PYCR3: variants seen among roughly 807,000 people sequenced by gnomAD.
PYCR3 encodes the protein pyrroline-5-carboxylate reductase 3, also known as P5C reductase 3.
Under a neutral mutation model 23.4 loss-of-function variants are expected in PYCR3, and 26 were observed. The observed-to-expected ratio is 1.11, with a 90% CI of 0.81 to 1.54. The LOEUF (loss-of-function observed/expected upper bound fraction) is 1.54, where lower values mean the gene tolerates loss of function less well. Among genes scored for constraint, PYCR3 ranks in the 40% most tolerant of loss-of-function variants. The pLI is 0.00. For synonymous variants in PYCR3, 194 were observed against 162.6 expected (o/e 1.19, Z -1.47); for missense variants, 360 against 376.3 (o/e 0.96, Z 0.36).
Position 143,604,797 on chromosome 8 carries a change from G to A in PYCR3, c.*903C>T, listed in dbSNP as rs1322420093. On this transcript the variant is annotated 3_prime_UTR_variant, in exon 6 of 6. Transcript: ENST00000495276. Reference sequence around the variant, plus strand: ...GCCGTCCGTTAGGGACAGGTGGAGGGGCCAAGTCTTGCCATCAGAGGCCAG... The same window carrying A: ...GCCGTCCGTTAGGGACAGGTGGAGGAGCCAAGTCTTGCCATCAGAGGCCAG... The A allele has an allele frequency of 2.0e-5, 9 of 441,364 alleles. No individual in the cohort carries two copies. The highest frequency in any genetic ancestry group is 5.3e-5 in the Admixed American group (2 of 37,620). The allele number at this position is 441,364 out of a possible 1,614,324, so 27.3% of individuals were successfully genotyped here. A position where few individuals can be genotyped will look rare whatever the true frequency, so the allele number is the denominator to read the frequency against.
chr8:143,606,775 C>A (rs573156132), intron 3 of PYCR3, 96 bp from the exon 4 acceptor site: 1 of 1,372,268 alleles, frequency 7.3e-7, no homozygotes, highest in Non-Finnish European at 9.9e-7. Flanking sequence ...CGTCAGCTCG[C>A]GGTGGGCTCC....
At chr8:143,606,242 G>T in intron 4 of PYCR3, 88 bp from the exon 5 acceptor site, 1 of 1,352,614 alleles carries the variant, frequency 7.4e-7, no homozygotes, top group South Asian at 1.3e-5. Context: ...AGCAGTAGCC[G>T]TGGGTGGCCA....
intron 1 of PYCR3, 129 bp from the exon 2 acceptor site, chr8:143,608,255 C>T: frequency 1.5e-6 from 1 of 683,010 alleles, no homozygotes; most frequent in Non-Finnish European, 2.5e-6. Context: ...CTCCTGGCCC[C>T]AGGAACCCAA....
rs1197529542 is a variant in PYCR3 at position 143,607,001 on chromosome 8, G to A, written c.288C>T (p.His96=). 2 of 1,612,342 alleles carry A rather than the reference G, an allele frequency of 1.2e-6. No homozygotes were observed. The highest frequency in any genetic ancestry group is 2.2e-5 in the South Asian group (2 of 91,022). Reference sequence around the variant, plus strand: ...CCCCAGCAGCCACGGACACCAAGATGTGTTCAGTGGTGACCACAGGAGCCA... The same window carrying A: ...CCCCAGCAGCCACGGACACCAAGATATGTTCAGTGGTGACCACAGGAGCCA... ...AEVAPVVTTE[H]ILVSVAAGVS... Residue 96 remains histidine, a synonymous_variant, in exon 3 of 6, where the codon CAC becomes CAT. Transcript: ENST00000495276.
In PYCR3 at chr8:143,609,549, C is replaced by T. The variant is rs1375840764; in HGVS notation, c.-1G>A. ...GCGGAGACGGCTCCGCAGCTGCCAT[C>T]TTGTTGCCTCGGACGCCGCTGCGCT... On this transcript the variant is annotated 5_prime_UTR_variant, in exon 1 of 6. Coordinates refer to ENST00000495276, the MANE Select transcript of PYCR3 (RefSeq NM_023078.6). 2.0e-6 allele frequency: 3 copies of T among 1,506,388 alleles called. No individual in the cohort carries two copies. The highest frequency in any genetic ancestry group is 2.6e-6 in the Non-Finnish European group (3 of 1,135,330). 93.3% of individuals were successfully genotyped at this position (1,506,388 alleles called of 1,614,324 possible).
rs1829491889 is a variant in PYCR3, at chr8:143,609,558, T to G, written c.-10A>C. Reference sequence around the variant, plus strand: ...GCTCCGCAGCTGCCATCTTGTTGCCTCGGACGCCGCTGCGCTCACCGCCCA... The same window carrying G: ...GCTCCGCAGCTGCCATCTTGTTGCCGCGGACGCCGCTGCGCTCACCGCCCA... On this transcript the variant is annotated 5_prime_UTR_variant, in exon 1 of 6. Coordinates refer to ENST00000495276, the MANE Select transcript of PYCR3 (RefSeq NM_023078.6). 1 of 1,499,200 alleles carries G rather than the reference T, an allele frequency of 6.7e-7. No homozygotes were observed. The highest frequency in any genetic ancestry group is 2.2e-5 in the Admixed American group (1 of 46,346). 92.9% of individuals were successfully genotyped at this position (1,499,200 alleles called of 1,614,324 possible).
intron 4 of PYCR3, 117 bp downstream of exon 4, chr8:143,606,349 TG>T: frequency 1.6e-6 from 2 of 1,214,716 alleles, no homozygotes; most frequent in Non-Finnish European, 1.2e-6. Flanking sequence ...CCAGTGGGCC[TG>T]GGGAGCAACC....
At chr8:143,606,418 C>G (rs773475276) in intron 4 of PYCR3, 49 bp downstream of exon 4, 1 of 1,583,004 alleles carries the variant, frequency 6.3e-7, no homozygotes, top group Admixed American at 1.7e-5. Context: ...CTGGGGTGGG[C>G]CCCCTCTTTG....
chr8:143,607,633 CACG>C (rs1447954145), intron 2 of PYCR3, among the ~76,000 whole-genome samples: 2 of 152,060 alleles, frequency 1.3e-5, no homozygotes, highest in East Asian at 1.9e-4. Context: ...TACGTGCACT[CACG>C]ACCACACAGG....
rs966146207 is a variant in PYCR3 at position 143,608,973 on chromosome 8, T to C, written c.91+485A>G. On this transcript the variant is annotated intron_variant, in intron 1 of 5. Transcript: ENST00000495276. ...GAGGAGTATATGGTCAGCATAAATA[T>C]TCCGGGTATAAAGCAGTGTTTCTCA... The C allele has an allele frequency of 1.6e-5, 7 of 447,672 alleles. No homozygotes were observed. In the Admixed American group the frequency reaches 1.7e-4, roughly 11 times the overall value. 27.7% of individuals were successfully genotyped at this position (447,672 alleles called of 1,614,324 possible).
Position 143,606,970 on chromosome 8 carries a change from G to T in PYCR3, c.319C>A (p.Leu107Met). The change falls in exon 3 of 6, where the codon CTG becomes ATG. Residue 107 changes from leucine to methionine, a missense_variant. Transcript: ENST00000495276. ...ILVSVAAGVS[L>M]STLEELLPPN... ...ACACTCACCTCCTCCAGGGTGCTCA[G>T]AGACACCCCAGCAGCCACGGACACC... 8 of 1,606,028 alleles carry T rather than the reference G, an allele frequency of 5.0e-6. No homozygotes were observed. The highest frequency in any genetic ancestry group is 6.0e-6 in the Non-Finnish European group (7 of 1,174,396).
At position 143,609,503 on chromosome 8, in the gene PYCR3, C is replaced by A; in HGVS notation, c.46G>T (p.Ala16Ser). The A allele has an allele frequency of 6.6e-7, 1 of 1,516,704 alleles. No individual in the cohort carries two copies. The allele number at this position is 1,516,704 out of a possible 1,614,324, so 94.0% of individuals were successfully genotyped here. Residue 16 changes from alanine (A) to serine (S), a missense_variant, in exon 1 of 6, where the codon GCG (alanine) becomes TCG (serine). Ala to Ser is a moderately conservative substitution (Grantham distance 99). Coordinates refer to ENST00000495276, the MANE Select transcript of PYCR3 (RefSeq NM_023078.6). ...PSPRRVGFVGAGRMAGAIAQG... is the reference protein window; with the variant it reads ...PSPRRVGFVGSGRMAGAIAQG... ...GCGATGGCCCCCGCCATGCGGCCCG[C>A]GCCCACGAAGCCCACGCGCCGCGGA...
intron 2 of PYCR3, 137 bp from the exon 3 acceptor site, chr8:143,607,269 G>A (rs935117042): frequency 6.3e-6 from 5 of 794,852 alleles, no homozygotes; most frequent in East Asian, 2.9e-5. Context: ...AGACCACCCC[G>A]ACTTCTCCAG....
rs1185415367 is a variant in PYCR3, at chr8:143,606,582, C to G, written c.434G>C (p.Gly145Ala). 4.3e-6 allele frequency: 7 copies of G among 1,612,522 alleles called. No individual in the cohort carries two copies. Among genetic ancestry groups the G allele is most frequent in the Non-Finnish European group, 5.1e-6 (6 of 1,179,878 alleles). The change falls in exon 4 of 6, where the codon GGG becomes GCG. Residue 145 changes from glycine (G) to alanine (A), a missense_variant. Physicochemically the swap from Gly to Ala is moderately conservative, Grantham distance 60 (BLOSUM62 0). Coordinates refer to ENST00000495276, the MANE Select transcript of PYCR3 (RefSeq NM_023078.6). ...AIVMARGRHV[G>A]SSETKLLQHL... is the part of the protein sequence containing the mutation. Reference sequence around the variant, plus strand: ...CTGCAGGAGCTTGGTCTCGCTGCTCCCCACGTGGCGGCCCCGCGCCATCAC... The same window carrying G: ...CTGCAGGAGCTTGGTCTCGCTGCTCGCCACGTGGCGGCCCCGCGCCATCAC...
chr8:143,606,320 C>A, intron 4 of PYCR3, 147 bp downstream of exon 4: 1 of 1,088,278 alleles, frequency 9.2e-7, no homozygotes, highest in Non-Finnish European at 1.3e-6. Context: ...CAGTGAAGTC[C>A]CGGGGACAAG....
At chr8:143,608,224 G>A (rs2131401851) in intron 1 of PYCR3, 98 bp from the exon 2 acceptor site, 2 of 962,840 alleles carry the variant, frequency 2.1e-6, no homozygotes, top group East Asian at 2.5e-5. Flanking sequence ...GCTCAGCCAC[G>A]CCTGGCCCAT....
intron 1 of PYCR3, chr8:143,608,781 G>A (rs909830693): frequency 6.4e-5 from 29 of 456,306 alleles, no homozygotes; most frequent in South Asian, 3.7e-4. Flanking sequence ...GCTCTGGGAG[G>A]CATGCGGTAC....
In PYCR3 at chr8:143,607,049, C is replaced by T; in HGVS notation, c.240G>A (p.Val80=). Residue 80 remains valine (V), a synonymous_variant, in exon 3 of 6, where the codon GTG becomes GTA. Transcript: ENST00000495276. ...LLVIFATKPH[V]LPAVLAEVAP... ...CCACCTCTGCCAGGACAGCTGGCAG[C>T]ACATGAGGCTTGGTGGCAAAGATGA... 2 of 1,613,258 alleles carry T rather than the reference C, an allele frequency of 1.2e-6. No homozygotes were observed. The highest frequency in any genetic ancestry group is 1.7e-6 in the Non-Finnish European group (2 of 1,179,868).
Position 143,605,879 on chromosome 8 carries a change from T to A in PYCR3, c.646A>T (p.Thr216Ser), listed in dbSNP as rs531081790. 29 of 1,604,092 alleles carry A rather than the reference T, an allele frequency of 1.8e-5. No individual in the cohort carries two copies. In the East Asian group the frequency reaches 6.5e-4, roughly 36 times the overall value. Residue 216 changes from threonine to serine, a missense_variant, in exon 6 of 6, where the codon ACG becomes TCG. Physicochemically the swap from Thr to Ser is moderately conservative, Grantham distance 58 (BLOSUM62 1). Coordinates refer to ENST00000495276, the MANE Select transcript of PYCR3 (RefSeq NM_023078.6). ...HRIAAQTLLG[T>S]AKMLLHEGQH... is the part of the protein sequence containing the mutation. ...CCCTCGTGCAGCAGCATCTTGGCCG[T>A]CCCCTGAGGAGAGCGTTAGGGCCTG...
Sources: allele counts gnomAD v4.1 joint callset (sites outside exome capture counted in the v4.1 genomes callset), GRCh38; gene constraint gnomAD v4.1.1; transcripts MANE v1.5; gene names NCBI Gene and HGNC (gene_info 2026-07-23, HGNC 2026-07-21).